The following LAMC1 variants were observed in gnomAD, a reference collection of about 807,000 sequenced individuals.
LAMC1 encodes the protein laminin subunit gamma 1.
A neutral mutation model predicts 173.6 loss-of-function variants in LAMC1; 38 were observed. The observed-to-expected ratio is 0.22, with a 90% CI of 0.17 to 0.29. LAMC1 has a LOEUF of 0.29. Among genes scored for constraint, LAMC1 ranks in the 10% least tolerant of loss-of-function variants. The pLI is 1.00. For synonymous variants in LAMC1, 746 were observed against 749.1 expected (o/e 1.00, Z 0.07); for missense variants, 1,824 against 2,051.8 (o/e 0.89, Z 2.14).
intron 1 of LAMC1, among the ~76,000 whole-genome samples, chr1:183,046,856 T>G (rs1305210886): frequency 6.6e-6 from 1 of 152,142 alleles, no homozygotes; most frequent in African/African-American, 2.4e-5. Flanking sequence ...TATTATGCCT[T>G]TATAAAGCTC....
rs28377741 is a variant in LAMC1 at position 183,132,312 on chromosome 1, A to C, written c.3567-88A>C. The C allele has an allele frequency of 2.8e-4, 232 of 821,850 alleles. 10 individuals carry two copies. The South Asian group carries it at 4.7e-3, about 17-fold the overall frequency. 50.9% of individuals were successfully genotyped at this position (821,850 alleles called of 1,614,324 possible). A position where few individuals can be genotyped will look rare whatever the true frequency, so the allele number is the denominator to read the frequency against. On this transcript the variant is annotated intron_variant, in intron 20 of 27. Transcript: ENST00000258341. ...ATTTCAAATAATAATAATAATAATA[A>C]TAATAATAAAGTAAGCATTACCTGA...
At chr1:183,111,343 T>C (rs1018939758) in intron 4 of LAMC1, among the ~76,000 whole-genome samples, 7 of 152,154 alleles carry the variant, frequency 4.6e-5, no homozygotes, top group African/African-American at 2.4e-5. Context: ...TGCCTTGGCC[T>C]CCTAAAGTGC....
At chr1:183,035,634 A>G (rs1388455444) in intron 1 of LAMC1, among the ~76,000 whole-genome samples, 1 of 152,176 alleles carries the variant, frequency 6.6e-6, no homozygotes, top group East Asian at 1.9e-4. Flanking sequence ...GTTGATAGAA[A>G]AAATATGCTC....
intron 4 of LAMC1, 51 bp from the exon 5 acceptor site, chr1:183,114,480 T>C: frequency 6.4e-7 from 1 of 1,573,318 alleles, no homozygotes; most frequent in South Asian, 1.1e-5. Flanking sequence ...CTTAAAATGC[T>C]CTTCTTAAAG....
intron 2 of LAMC1, among the ~76,000 whole-genome samples, 166 bp from the exon 3 acceptor site, chr1:183,108,110 A>C (rs935200739): frequency 6.6e-6 from 1 of 152,172 alleles, no homozygotes; most frequent in Non-Finnish European, 1.5e-5. Flanking sequence ...AGAAGGAGAA[A>C]AATATTAGAA....
At chr1:183,141,665 C>T (rs549274786) in intron 27 of LAMC1, among the ~76,000 whole-genome samples, 2 of 152,240 alleles carry the variant, frequency 1.3e-5, no homozygotes, top group South Asian at 2.1e-4. Flanking sequence ...TATTTTTTAT[C>T]GGTCTCAAAT....
intron 1 of LAMC1, among the ~76,000 whole-genome samples, 176 bp from the exon 2 acceptor site, chr1:183,103,152 G>T (rs1377259586): frequency 6.6e-6 from 1 of 152,112 alleles, no homozygotes; most frequent in Non-Finnish European, 1.5e-5. Flanking sequence ...CCCAACTGCA[G>T]TTTGTCATTT....
At chr1:183,128,180 T>TA (rs1656670932) in intron 17 of LAMC1, among the ~76,000 whole-genome samples, 1 of 152,144 alleles carries the variant, frequency 6.6e-6, no homozygotes, top group African/African-American at 2.4e-5. Flanking sequence ...AAGTTTGAGA[T>TA]ACCTATCAGA....
chr1:183,026,697 AG>A (rs1558025371), intron 1 of LAMC1, among the ~76,000 whole-genome samples: 1 of 152,250 alleles, frequency 6.6e-6, no homozygotes, highest in African/African-American at 2.4e-5. Context: ...GCTAGAAATG[AG>A]TAGTGTGAAA....
chr1:183,088,594 A>G (rs1218351122), intron 1 of LAMC1, among the ~76,000 whole-genome samples: 1 of 152,264 alleles, frequency 6.6e-6, no homozygotes, highest in Non-Finnish European at 1.5e-5. Flanking sequence ...ATTATAGAGC[A>G]TACCCAAAAG....
chr1:183,131,004 G>A (rs528595432), intron 19 of LAMC1, among the ~76,000 whole-genome samples: 20 of 152,000 alleles, frequency 1.3e-4, no homozygotes, highest in Non-Finnish European at 1.5e-5. Flanking sequence ...GAGAAACCCC[G>A]TCTCTACTAA....
chr1:183,134,049 A>G (rs1017324820), intron 22 of LAMC1, among the ~76,000 whole-genome samples: 23 of 152,350 alleles, frequency 1.5e-4, no homozygotes, highest in African/African-American at 5.5e-4. Context: ...TTAAAAGACT[A>G]TAGCAGGATG....
At chr1:183,089,117 G>A (rs888899062) in intron 1 of LAMC1, among the ~76,000 whole-genome samples, 11 of 152,176 alleles carry the variant, frequency 7.2e-5, no homozygotes, top group African/African-American at 2.4e-4. Context: ...CTAGGTAGGT[G>A]TTGGATACCA....
At chr1:183,042,624 G>T (rs1187550402) in intron 1 of LAMC1, among the ~76,000 whole-genome samples, 3 of 152,164 alleles carry the variant, frequency 2.0e-5, no homozygotes, top group Non-Finnish European at 2.9e-5. Context: ...GCTGGCAGTT[G>T]TAGGGAGTGG....
intron 1 of LAMC1, among the ~76,000 whole-genome samples, chr1:183,049,463 G>GTT (rs67306811): frequency 4.2e-5 from 6 of 143,640 alleles, no homozygotes; most frequent in South Asian, 4.4e-4. Context: ...AGGTTTTTTT[G>GTT]TTTTTTTTTT....
intron 13 of LAMC1, among the ~76,000 whole-genome samples, chr1:183,123,438 T>C (rs920208283): frequency 1.3e-5 from 2 of 152,228 alleles, no homozygotes; most frequent in Non-Finnish European, 2.9e-5. Flanking sequence ...CAATAGCTTC[T>C]TGATACACTA....
rs543122339 is a variant in LAMC1 at position 183,133,665 on chromosome 1, T to G, written c.3849+115T>G. ...CCACTGACTCGCTGGTAAAGTTGAG[T>G]CTTATTTCACATACGCTAATAGAAC... On this transcript the variant is annotated intron_variant, in intron 22 of 27. Coordinates refer to ENST00000258341, the MANE Select transcript of LAMC1 (RefSeq NM_002293.4). 192 of 1,081,410 alleles carry G rather than the reference T, an allele frequency of 1.8e-4. 3 individuals carry two copies. In the South Asian group the frequency reaches 3.5e-3, roughly 20 times the overall value. The allele number at this position is 1,081,410 out of a possible 1,614,324, so 67.0% of individuals were successfully genotyped here. A position where few individuals can be genotyped will look rare whatever the true frequency, so the allele number is the denominator to read the frequency against.
In LAMC1 at chr1:183,125,560, A is replaced by G. The variant is rs2102095707; in HGVS notation, c.2801+10A>G. 6.5e-7 allele frequency: 1 copy of G among 1,541,648 alleles called. No homozygotes were observed. The highest frequency in any genetic ancestry group is 2.3e-5 in the East Asian group (1 of 43,516). Reference sequence around the variant, plus strand: ...GGCAAGGCTGTGAGAGGTGAGACATAGGTGCCTTTGGTGAAAGTAATCTTT... The same window carrying G: ...GGCAAGGCTGTGAGAGGTGAGACATGGGTGCCTTTGGTGAAAGTAATCTTT... On this transcript the variant is annotated intron_variant, in intron 15 of 27. Transcript: ENST00000258341.
At chr1:183,132,327 G>T in intron 20 of LAMC1, 73 bp from the exon 21 acceptor site, 1 of 969,114 alleles carries the variant, frequency 1.0e-6, no homozygotes, top group Non-Finnish European at 1.5e-6. Flanking sequence ...AATAAAGTAA[G>T]CATTACCTGA....
Sources: allele counts gnomAD v4.1 joint callset (sites outside exome capture counted in the v4.1 genomes callset), GRCh38; gene constraint gnomAD v4.1.1; transcripts MANE v1.5; gene names NCBI Gene and HGNC (gene_info 2026-07-23, HGNC 2026-07-21).